PRRT2: variants seen among roughly 807,000 people sequenced by gnomAD.
PRRT2 encodes the protein proline rich transmembrane protein 2, also known as proline-rich transmembrane protein 2.
In PRRT2, 9 loss-of-function variants were observed where a neutral mutation model predicts 24.7. The ratio of observed to expected loss-of-function variants is 0.36; its 90% CI spans 0.22 to 0.64. The LOEUF (loss-of-function observed/expected upper bound fraction) is 0.64. Ranked by LOEUF, PRRT2 falls within the 30% of genes least tolerant of loss-of-function variation. PRRT2 has a pLI of 0.65. For missense variants in PRRT2, 460 were observed against 435.0 expected (o/e 1.06, Z -0.51); for synonymous variants, 195 against 175.5 (o/e 1.11, Z -0.88).
Position 29,814,594 on chromosome 16 carries a change from C to T in PRRT2, c.1013-34C>T. 5 of 1,606,270 alleles carry T rather than the reference C, an allele frequency of 3.1e-6. No individual in the cohort carries two copies. Among genetic ancestry groups the T allele is most frequent in the Non-Finnish European group, 4.3e-6 (5 of 1,173,426 alleles). On this transcript the variant is annotated intron_variant, in intron 3 of 3. Coordinates refer to ENST00000358758, the MANE Select transcript of PRRT2 (RefSeq NM_145239.3). This position sits in a 1 kb window ranked among gnomAD's most constrained non-coding sequence, Gnocchi z 4.1. ...CCTTTGTCTCTCCTTGTCTCCCCCT[C>T]CCCCCGTCTGTCCTTCCCTCTCCTC...
chr16:29,813,502 C>A lies in PRRT2; in HGVS notation c.448C>A (p.Pro150Thr). The change falls in exon 2 of 4, where the codon CCT (proline) becomes ACT (threonine). Residue 150 changes from proline (P) to threonine (T), a missense_variant. Around this residue, in one of 3 missense-constraint regions of PRRT2, gnomAD observed 378 missense variants for 324.6 expected, o/e 1.16. Transcript: ENST00000358758. ...ACCAGACCCCCGGCCAGATTCCCAGCCTACCCCCAAGCCAGCCCTTCAACC... is the reference window on the plus strand; with the variant it reads ...ACCAGACCCCCGGCCAGATTCCCAGACTACCCCCAAGCCAGCCCTTCAACC... ...PQPDPRPDSQ[P>T]TPKPALQPEL... 1 of 1,613,742 alleles carries A rather than the reference C, an allele frequency of 6.2e-7. No homozygotes were observed. The highest frequency in any genetic ancestry group is 1.1e-5 in the South Asian group (1 of 91,078).
intron 2 of PRRT2, 64 bp downstream of exon 2, chr16:29,813,997 T>C (rs1343025044): frequency 6.5e-7 from 1 of 1,528,158 alleles, no homozygotes; most frequent in Non-Finnish European, 8.8e-7. Flanking sequence ...AGCGCTGCAA[T>C]AGAGCCTCTG....
rs1900127970 is a variant in PRRT2 at position 29,814,156 on chromosome 16, ACACAGCCTCGCT to A, written c.880-176_880-165del. On this transcript the variant is annotated intron_variant, in intron 2 of 3. Transcript: ENST00000358758. The surrounding 1 kb of genome is among the most constrained non-coding windows in gnomAD (Gnocchi z 4.1). ...TGGGAGGGATATGGAAACACGTGTC[ACACAGCCTCGCT>A]GACCTGTGCCCTCCTCCCCCTGCCC... 1.3e-6 allele frequency: 2 copies of A among 1,488,984 alleles called. No individual in the cohort carries two copies. Among genetic ancestry groups the A allele is most frequent in the Non-Finnish European group, 1.8e-6 (2 of 1,128,792 alleles). 92.2% of individuals were successfully genotyped at this position (1,488,984 alleles called of 1,614,324 possible).
Position 29,814,531 on chromosome 16 carries a change from C to G in PRRT2, c.1012+66C>G, listed in dbSNP as rs1213336287. 1.9e-6 allele frequency: 3 copies of G among 1,608,076 alleles called. No individual in the cohort carries two copies. The Admixed American group carries it at 5.1e-5, about 27-fold the overall frequency. ...GTTGGCAAGGGCAGCTTTACTAACC[C>G]CTGCCCCTGCTCTCTCCTGTCTGTC... On this transcript the variant is annotated intron_variant, in intron 3 of 3. Transcript: ENST00000358758. The surrounding 1 kb of genome is among the most constrained non-coding windows in gnomAD (Gnocchi z 4.1).
chr16:29,815,724 TAAAAAAAAAAA>T lies in PRRT2; in HGVS notation c.*1103_*1113del, dbSNP rs10569553. 4.0e-3 allele frequency: 121 copies of T among 30,368 alleles called. No homozygotes were observed. The highest frequency in any genetic ancestry group is 6.0e-3 in the Non-Finnish European group (108 of 18,146). The allele number at this position is 30,368 out of a possible 1,614,324, so 1.9% of individuals were successfully genotyped here. A position where few individuals can be genotyped will look rare whatever the true frequency, so the allele number is the denominator to read the frequency against. ...CGGATTTGGCGGGGGTTTTTTTCCT[TAAAAAAAAAAA>T]AAAAAAAAAAAAAAAAGTCTGGGGG... is the stretch of plus-strand genomic sequence containing the variant. On this transcript the variant is annotated 3_prime_UTR_variant, in exon 4 of 4. Transcript: ENST00000358758.
chr16:29,814,900 T>G lies in PRRT2; in HGVS notation c.*262T>G. 2.1e-6 allele frequency: 1 copy of G among 484,390 alleles called. No individual in the cohort carries two copies. Among genetic ancestry groups the G allele is most frequent in the Non-Finnish European group, 3.6e-6 (1 of 275,330 alleles). The allele number at this position is 484,390 out of a possible 1,614,324, so 30.0% of individuals were successfully genotyped here. On this transcript the variant is annotated 3_prime_UTR_variant, in exon 4 of 4. Transcript: ENST00000358758. The surrounding 1 kb of genome is among the most constrained non-coding windows in gnomAD (Gnocchi z 4.1). The stretch of plus-strand genomic sequence containing the variant: ...TCCCCTCCGGCCTCTTGGCCCCCTA[T>G]CCCTGCACTTCTGGAAACCTCCCTG...
chr16:29,813,668 C>T lies in PRRT2; in HGVS notation c.614C>T (p.Ser205Leu). 1 of 1,606,978 alleles carries T rather than the reference C, an allele frequency of 6.2e-7. No individual in the cohort carries two copies. The highest frequency in any genetic ancestry group is 1.1e-5 in the South Asian group (1 of 90,508). Reference protein sequence around the residue: ...GPAPEPHSPPSKKSPPANGAP... With the variant: ...GPAPEPHSPPLKKSPPANGAP... ...GCCCCTGAGCCTCACTCACCACCCT[C>T]AAAAAAATCCCCCCCAGCCAATGGG... Residue 205 changes from serine to leucine, a missense_variant, in exon 2 of 4, where the codon TCA becomes TTA. By Grantham distance (145) the Ser-to-Leu change is moderately radical. Around this residue, in one of 3 missense-constraint regions of PRRT2, gnomAD observed 378 missense variants for 324.6 expected, o/e 1.16. Transcript: ENST00000358758.
Position 29,813,206 on chromosome 16 carries a change from G to A in PRRT2, c.152G>A (p.Gly51Asp). ...VPDQPEAPQP[G>D]PNTTAAPVDS... ...GACCAGCCAGAGGCCCCGCAGCCAGGTCCAAACACCACTGCGGCCCCTGTG... is the reference window on the plus strand; with the variant it reads ...GACCAGCCAGAGGCCCCGCAGCCAGATCCAAACACCACTGCGGCCCCTGTG... Residue 51 changes from glycine to aspartate, a missense_variant, in exon 2 of 4, where the codon GGT (glycine) becomes GAT (aspartate). Gly to Asp is a moderately conservative substitution (Grantham distance 94). Around this residue, in one of 3 missense-constraint regions of PRRT2, gnomAD observed 378 missense variants for 324.6 expected, o/e 1.16. Transcript: ENST00000358758. 1.2e-6 allele frequency: 2 copies of A among 1,613,952 alleles called. No homozygotes were observed. Among genetic ancestry groups the A allele is most frequent in the African/African-American group, 1.3e-5 (1 of 75,038 alleles).
rs777663292 is a variant in PRRT2 at position 29,813,023 on chromosome 16, C to T, written c.-32C>T. 77 of 1,564,734 alleles carry T rather than the reference C, an allele frequency of 4.9e-5. No individual in the cohort carries two copies. The highest frequency in any genetic ancestry group is 6.5e-5 in the Non-Finnish European group (75 of 1,157,922). On this transcript the variant is annotated 5_prime_UTR_variant, in exon 2 of 4. Coordinates refer to ENST00000358758, the MANE Select transcript of PRRT2 (RefSeq NM_145239.3). ...GCTGTCTCTGCTATTCCATCCTCCC[C>T]ATAGGGGCTCTCTCCCCTCTCCCAT... is the stretch of plus-strand genomic sequence containing the variant.
In PRRT2 at chr16:29,814,375, C is replaced by T. The variant is rs932713001; in HGVS notation, c.922C>T (p.Arg308Cys). ...GCAGGGGGACGTGGACGGGGCCCAG[C>T]GTCTGGGCCGGGTAGCCAAGCTCTT... ...LQQGDVDGAQ[R>C]LGRVAKLLSI... Residue 308 changes from arginine (R) to cysteine (C), a missense_variant, in exon 3 of 4, where the codon CGT (arginine) becomes TGT (cysteine). Physicochemically the swap from Arg to Cys is radical, Grantham distance 180 (BLOSUM62 -3). This residue lies in a region of PRRT2 where 64 missense variants were observed against 71.2 expected (regional missense o/e 0.90). Coordinates refer to ENST00000358758, the MANE Select transcript of PRRT2 (RefSeq NM_145239.3). The surrounding 1 kb of genome is among the most constrained non-coding windows in gnomAD (Gnocchi z 4.1). 6 of 1,609,816 alleles carry T rather than the reference C, an allele frequency of 3.7e-6. No homozygotes were observed. Among genetic ancestry groups the T allele is most frequent in the Non-Finnish European group, 5.1e-6 (6 of 1,179,048 alleles).
At position 29,814,065 on chromosome 16, in the gene PRRT2, C is replaced by T. The variant is rs574117653; in HGVS notation, c.879+132C>T. On this transcript the variant is annotated intron_variant, in intron 2 of 3. Coordinates refer to ENST00000358758, the MANE Select transcript of PRRT2 (RefSeq NM_145239.3). This position sits in a 1 kb window ranked among gnomAD's most constrained non-coding sequence, Gnocchi z 4.1. The stretch of plus-strand genomic sequence containing the variant: ...TGCATGGATCCCACCTCCCCAATTC[C>T]AGGGCCTTTGTTTGCCTCTCCCTAG... 6.8e-7 allele frequency: 1 copy of T among 1,477,164 alleles called. No homozygotes were observed. Among genetic ancestry groups the T allele is most frequent in the South Asian group, 1.4e-5 (1 of 71,082 alleles). 91.5% of individuals were successfully genotyped at this position (1,477,164 alleles called of 1,614,324 possible).
In PRRT2 at chr16:29,813,619, G is replaced by C. The variant is rs1900092393; in HGVS notation, c.565G>C (p.Ala189Pro). 13 of 1,613,222 alleles carry C rather than the reference G, an allele frequency of 8.1e-6. No individual in the cohort carries two copies. The highest frequency in any genetic ancestry group is 1.1e-5 in the Non-Finnish European group (13 of 1,179,690). ...GAATGGGGCAGTGGTGCCCCTGCAG[G>C]CTGGTGATGGGGAAGAGGGCCCAGC... ...QENGAVVPLQ[A>P]GDGEEGPAPE... Residue 189 changes from alanine (A) to proline (P), a missense_variant, in exon 2 of 4, where the codon GCT (alanine) becomes CCT (proline). Ala to Pro is a conservative substitution (Grantham distance 27). Around this residue, in one of 3 missense-constraint regions of PRRT2, gnomAD observed 378 missense variants for 324.6 expected, o/e 1.16. Transcript: ENST00000358758.
In PRRT2 at chr16:29,813,931, A is replaced by G; in HGVS notation, c.877A>G (p.Met293Val). 6.3e-7 allele frequency: 1 copy of G among 1,586,284 alleles called. No individual in the cohort carries two copies. The highest frequency in any genetic ancestry group is 8.6e-7 in the Non-Finnish European group (1 of 1,165,430). The change falls in exon 2 of 4, where the codon ATG becomes GTG. Residue 293 changes from methionine (M) to valine (V), a missense_variant and splice_region_variant. By Grantham distance (21) the Met-to-Val change is conservative (BLOSUM62 1). Transcript: ENST00000358758. ...CATCGTGGCCTTCGCTTATGCTGTCATGGTGAGCCCCATGGGACCCTAGCC... is the reference window on the plus strand; with the variant it reads ...CATCGTGGCCTTCGCTTATGCTGTCGTGGTGAGCCCCATGGGACCCTAGCC... Reference protein sequence around the residue: ...VNIVAFAYAVMSRNSLQQGDV... With the variant: ...VNIVAFAYAVVSRNSLQQGDV...
In PRRT2 at chr16:29,814,533, T is replaced by G; in HGVS notation, c.1012+68T>G. Reference sequence around the variant, plus strand: ...TGGCAAGGGCAGCTTTACTAACCCCTGCCCCTGCTCTCTCCTGTCTGTCCT... The same window carrying G: ...TGGCAAGGGCAGCTTTACTAACCCCGGCCCCTGCTCTCTCCTGTCTGTCCT... On this transcript the variant is annotated intron_variant, in intron 3 of 3. Transcript: ENST00000358758. This position sits in a 1 kb window ranked among gnomAD's most constrained non-coding sequence, Gnocchi z 4.1. 1.9e-6 allele frequency: 3 copies of G among 1,608,390 alleles called. No homozygotes were observed. The highest frequency in any genetic ancestry group is 1.7e-6 in the Non-Finnish European group (2 of 1,177,078).
Position 29,814,284 on chromosome 16 carries a change from G to C in PRRT2, c.880-49G>C, listed in dbSNP as rs1009217894. On this transcript the variant is annotated intron_variant, in intron 2 of 3. Transcript: ENST00000358758. The surrounding 1 kb of genome is among the most constrained non-coding windows in gnomAD (Gnocchi z 4.1). ...TTTCCACCTGATCCCTTCTGGGCTG[G>C]CTTCTCCTGACCCCGGCTATGTGCC... 6.5e-7 allele frequency: 1 copy of C among 1,541,562 alleles called. No homozygotes were observed. The highest frequency in any genetic ancestry group is 1.4e-5 in the African/African-American group (1 of 72,710).
In PRRT2 at chr16:29,814,862, A is replaced by G. The variant is rs1048834016; in HGVS notation, c.*224A>G. 16 of 541,162 alleles carry G rather than the reference A, an allele frequency of 3.0e-5. No homozygotes were observed. The highest frequency in any genetic ancestry group is 4.5e-5 in the Non-Finnish European group (14 of 310,278). The allele number at this position is 541,162 out of a possible 1,614,324, so 33.5% of individuals were successfully genotyped here. A position where few individuals can be genotyped will look rare whatever the true frequency, so the allele number is the denominator to read the frequency against. On this transcript the variant is annotated 3_prime_UTR_variant, in exon 4 of 4. Transcript: ENST00000358758. This position sits in a 1 kb window ranked among gnomAD's most constrained non-coding sequence, Gnocchi z 4.1. ...CCTGCACTGGTTCCAACCTCCCTGCACTAATGCCTGCATCCCCTCCGGCCT... is the reference window on the plus strand; with the variant it reads ...CCTGCACTGGTTCCAACCTCCCTGCGCTAATGCCTGCATCCCCTCCGGCCT...
rs1488534765 is a variant in PRRT2 at position 29,814,453 on chromosome 16, A to C, written c.1000A>C (p.Ile334Leu). The C allele has an allele frequency of 6.2e-7, 1 of 1,603,596 alleles. No individual in the cohort carries two copies. Among genetic ancestry groups the C allele is most frequent in the African/African-American group, 1.3e-5 (1 of 74,634 alleles). The change falls in exon 3 of 4, where the codon ATC becomes CTC. Residue 334 changes from isoleucine (I) to leucine (L), a missense_variant. Around this residue, in one of 3 missense-constraint regions of PRRT2, gnomAD observed 64 missense variants for 71.2 expected, o/e 0.90. Transcript: ENST00000358758. The surrounding 1 kb of genome is among the most constrained non-coding windows in gnomAD (Gnocchi z 4.1). ...GVLIIIASCVINLGVYK is the reference protein window; with the variant it reads ...GVLIIIASCVLNLGVYK ...CCTCATCATCATCGCCTCCTGCGTC[A>C]TCAACTTAGGCGGTGAGTGGGGGCT...
chr16:29,814,696 T>A lies in PRRT2; in HGVS notation c.*58T>A. ...CCTGTTGGGAGCTGCCTTGGGCCCA[T>A]CCCTCCCCTGGGGGGAGCCCAACTG... is the stretch of plus-strand genomic sequence containing the variant. On this transcript the variant is annotated 3_prime_UTR_variant, in exon 4 of 4. Coordinates refer to ENST00000358758, the MANE Select transcript of PRRT2 (RefSeq NM_145239.3). The surrounding 1 kb of genome is among the most constrained non-coding windows in gnomAD (Gnocchi z 4.1). 6.5e-7 allele frequency: 1 copy of A among 1,542,654 alleles called. No individual in the cohort carries two copies. The highest frequency in any genetic ancestry group is 8.8e-7 in the Non-Finnish European group (1 of 1,140,640).
chr16:29,814,035 C>T lies in PRRT2; in HGVS notation c.879+102C>T. On this transcript the variant is annotated intron_variant, in intron 2 of 3. Transcript: ENST00000358758. This position sits in a 1 kb window ranked among gnomAD's most constrained non-coding sequence, Gnocchi z 4.1. ...GTAATCATGCCTTCCTTCCCCTCTC[C>T]TCTCTGCATGGATCCCACCTCCCCA... The T allele has an allele frequency of 6.7e-7, 1 of 1,500,160 alleles. No homozygotes were observed. The highest frequency in any genetic ancestry group is 1.4e-5 in the African/African-American group (1 of 71,470). The allele number at this position is 1,500,160 out of a possible 1,614,324, so 92.9% of individuals were successfully genotyped here.
Sources: gnomAD v4.1 joint callset for allele counts on GRCh38, gnomAD v4.1.1 for gene constraint, gnomAD v4.1.1 regional missense constraint, Gnocchi (gnomAD v3.1) non-coding constraint, MANE v1.5 for transcripts, NCBI Gene and HGNC (gene_info 2026-07-23, HGNC 2026-07-21) for gene names.